ARHGEF18: variants seen among roughly 807,000 people sequenced by gnomAD.
The protein encoded by ARHGEF18 is Rho/Rac guanine nucleotide exchange factor 18, also known as rho guanine nucleotide exchange factor 18.
A neutral mutation model predicts 155.7 loss-of-function variants in ARHGEF18; 93 were observed. That is an observed-to-expected ratio of 0.60 (90% CI 0.50 to 0.71). The LOEUF (loss-of-function observed/expected upper bound fraction) is 0.71. Ranked by LOEUF, ARHGEF18 falls within the 30% of genes least tolerant of loss-of-function variation. The pLI, the probability that ARHGEF18 is intolerant of heterozygous loss-of-function variation, is 0.00. For missense variants in ARHGEF18, 1,593 were observed against 1,816.1 expected, an observed-to-expected ratio of 0.88 and a Z score of 2.23; for synonymous variants, 742 against 753.1, an observed-to-expected ratio of 0.99 and a Z score of 0.24.
downstream of ARHGEF18, among the ~76,000 whole-genome samples, chr19:7,474,999 C>G (rs1209343556): frequency 6.6e-6 from 1 of 151,998 alleles, no homozygotes; most frequent in Admixed American, 6.6e-5. Flanking sequence ...TTTGGGAGGC[C>G]GAAGTGGGTG....
At chr19:7,373,482 T>A (rs1442542227) in intron 3 of ARHGEF18, among the ~76,000 whole-genome samples, 1 of 131,666 alleles carries the variant, frequency 7.6e-6, no homozygotes, top group African/African-American at 4.1e-5. Context: ...TTTTTGTTTT[T>A]GTTTTTTTTT....
In ARHGEF18 at chr19:7,440,954, T is replaced by C. The variant is rs553780411; in HGVS notation, c.1106+472T>C. ...TGAGTTCGTGGGAAAGGGAGTAAATTATCATTTTCCTCTGAGTAAGGACTG... is the reference window on the plus strand; with the variant it reads ...TGAGTTCGTGGGAAAGGGAGTAAATCATCATTTTCCTCTGAGTAAGGACTG... On this transcript the variant is annotated intron_variant, in intron 11 of 28. Coordinates refer to ENST00000668164, the MANE Select transcript of ARHGEF18 (RefSeq NM_001367823.1). This position sits in a 1 kb window ranked among gnomAD's most constrained non-coding sequence, Gnocchi z 5.4. 6.6e-6 allele frequency among the ~76,000 whole-genome samples: 1 copy of C among 152,056 alleles called. No individual in the cohort carries two copies. The highest frequency in any genetic ancestry group is 1.9e-4 in the East Asian group (1 of 5,164).
At chr19:7,400,065 A>C (rs1020961219) in intron 10 of ARHGEF18, among the ~76,000 whole-genome samples, 2 of 152,066 alleles carry the variant, frequency 1.3e-5, no homozygotes, top group Admixed American at 1.3e-4. Context: ...GTCACCATGC[A>C]CGGCTTCATA....
chr19:7,468,681 A>T, intron 26 of ARHGEF18, 144 bp from the exon 27 acceptor site: 1 of 908,520 alleles, frequency 1.1e-6, no homozygotes, highest in South Asian at 1.8e-5. Context: ...GGGGACGGGC[A>T]ATGACCAGCA....
intron 23 of ARHGEF18, among the ~76,000 whole-genome samples, chr19:7,466,407 A>C (rs1258476824): frequency 7.1e-6 from 1 of 141,726 alleles, no homozygotes; most frequent in Non-Finnish European, 1.6e-5. Flanking sequence ...AAAAATTAAA[A>C]ATAGCTGATC....
intron 2 of ARHGEF18, among the ~76,000 whole-genome samples, chr19:7,368,828 A>G (rs1970060141): frequency 1.3e-5 from 2 of 152,130 alleles, no homozygotes; most frequent in South Asian, 4.1e-4. Flanking sequence ...CTGCCGCCCA[A>G]GTCACATGAG....
intron 2 of ARHGEF18, among the ~76,000 whole-genome samples, chr19:7,367,885 T>TATATA (rs1568270390): frequency 6.2e-5 from 1 of 16,088 alleles, no homozygotes; most frequent in Non-Finnish European, 9.4e-5. Flanking sequence ...TATATATATT[T>TATATA]TATATATATT....
downstream of ARHGEF18, among the ~76,000 whole-genome samples, chr19:7,476,719 G>A (rs144860136): frequency 7.6e-4 from 116 of 152,330 alleles, 1 homozygote; most frequent in African/African-American, 2.5e-3. Flanking sequence ...CTTGGGGTCC[G>A]TGGGCAACGC....
intron 10 of ARHGEF18, among the ~76,000 whole-genome samples, chr19:7,419,943 G>T (rs1027321563): frequency 1.4e-5 from 2 of 146,170 alleles, no homozygotes; most frequent in Admixed American, 6.7e-5. Flanking sequence ...TGTACCCCAG[G>T]TGTACTCACA....
At chr19:7,466,381 CAAAAAAAAA>C (rs3030730) in intron 23 of ARHGEF18, among the ~76,000 whole-genome samples, 3 of 98,544 alleles carry the variant, frequency 3.0e-5, no homozygotes, top group African/African-American at 8.4e-5. Context: ...AACTCCATCT[CAAAAAAAAA>C]AAAAAAAAAA....
chr19:7,380,675 C>T (rs911155355), intron 7 of ARHGEF18, among the ~76,000 whole-genome samples: 6 of 151,870 alleles, frequency 4.0e-5, no homozygotes, highest in African/African-American at 1.5e-4. Flanking sequence ...CAGAGGGAGA[C>T]GCCATCTCTA....
chr19:7,399,199 A>G (rs1411309377), intron 10 of ARHGEF18, among the ~76,000 whole-genome samples: 1 of 152,184 alleles, frequency 6.6e-6, no homozygotes, highest in Admixed American at 6.6e-5. Flanking sequence ...GCAAAACAGC[A>G]CCAGTGGAAG....
intron 10 of ARHGEF18, among the ~76,000 whole-genome samples, chr19:7,408,862 T>C (rs1465934921): frequency 1.3e-5 from 2 of 151,882 alleles, no homozygotes; most frequent in Non-Finnish European, 2.9e-5. Context: ...GGCAACATAG[T>C]GAGACCCCAT....
chr19:7,464,285 G>A (rs571467756), intron 22 of ARHGEF18, among the ~76,000 whole-genome samples: 11 of 152,264 alleles, frequency 7.2e-5, no homozygotes, highest in African/African-American at 2.6e-4. Flanking sequence ...TGATCCGCCC[G>A]CCTCAGCCTC....
chr19:7,409,951 A>ATTT (rs5826969), intron 10 of ARHGEF18, among the ~76,000 whole-genome samples: 2,672 of 123,780 alleles, frequency 0.022, 110 homozygotes, highest in African/African-American at 0.074. Flanking sequence ...TTTTTTTTGT[A>ATTT]TTTTTTTTTT....
rs1295283098 is a variant in ARHGEF18, at chr19:7,395,789, C to T, written c.967+12586C>T. 2.6e-5 allele frequency among the ~76,000 whole-genome samples: 4 copies of T among 152,182 alleles called. No individual in the cohort carries two copies. Among genetic ancestry groups the T allele is most frequent in the Non-Finnish European group, 5.9e-5 (4 of 68,032 alleles). ...ACTCAGTTGGTGCTTTCATTGCGGA[C>T]GGGAACGAGAAGCTTTCCCCTGGTC... is the stretch of plus-strand genomic sequence containing the variant. On this transcript the variant is annotated intron_variant, in intron 10 of 28. Coordinates refer to ENST00000668164, the MANE Select transcript of ARHGEF18 (RefSeq NM_001367823.1). The surrounding 1 kb of genome is among the most constrained non-coding windows in gnomAD (Gnocchi z 5.0).
chr19:7,458,592 C>G lies in ARHGEF18; in HGVS notation c.2262C>G (p.Ile754Met). The G allele has an allele frequency of 6.2e-7, 1 of 1,614,188 alleles. No homozygotes were observed. ...ACGAGGAGAAAGCGATGTTTCTGAT[C>G]AGCGCCTCCTTGCAAGGGCCGGAGA... Reference protein sequence around the residue: ...VANEEKAMFLISASLQGPEMY... With the variant: ...VANEEKAMFLMSASLQGPEMY... The change falls in exon 19 of 29, where the codon ATC (isoleucine) becomes ATG (methionine). Residue 754 changes from isoleucine to methionine, a missense_variant. By Grantham distance (10) the Ile-to-Met change is conservative (BLOSUM62 1). Transcript: ENST00000668164.
chr19:7,408,087 TG>T (rs1244621195), intron 10 of ARHGEF18, among the ~76,000 whole-genome samples: 1 of 151,466 alleles, frequency 6.6e-6, no homozygotes, highest in Non-Finnish European at 1.5e-5. Flanking sequence ...GAGACCAGCC[TG>T]GGTAACGTGG....
the ARHGEF18 span, chr19:7,477,530 C>T: frequency 9.2e-7 from 1 of 1,086,132 alleles, no homozygotes. Context: ...CAGCCCTGAG[C>T]CCCTGCCTGT....
Sources: gnomAD v4.1 joint callset for allele counts (sites outside exome capture counted in the v4.1 genomes callset) on GRCh38, gnomAD v4.1.1 for gene constraint, Gnocchi (gnomAD v3.1) non-coding constraint, MANE v1.5 for transcripts, NCBI Gene and HGNC (gene_info 2026-07-23, HGNC 2026-07-21) for gene names.